MED13L: variants seen among roughly 807,000 people sequenced by gnomAD.
The protein encoded by MED13L is mediator complex subunit 13L.
Under a neutral mutation model 220.9 loss-of-function variants are expected in MED13L, and 7 were observed. The observed-to-expected ratio is 0.03, with a 90% confidence interval of 0.02 to 0.06. The LOEUF is 0.06. Among genes scored for constraint, MED13L ranks in the 10% least tolerant of loss-of-function variants. The probability of loss-of-function intolerance (pLI) is 1.00; values close to 1 mark genes in which losing one functional copy is unlikely to be tolerated. For missense variants in MED13L, 1,965 were observed against 2,760.5 expected (o/e 0.71, Z 6.46); for synonymous variants, 1,011 against 1,015.2 (o/e 1.00, Z 0.08).
At chr12:116,233,977 T>C (rs1292248874) in intron 2 of MED13L, among the ~76,000 whole-genome samples, 1 of 152,198 alleles carries the variant, frequency 6.6e-6, no homozygotes, top group Non-Finnish European at 1.5e-5. Context: ...GTGTGTACCC[T>C]GTAGGATTAT....
At chr12:116,141,159 T>C (rs1203981343) in intron 2 of MED13L, among the ~76,000 whole-genome samples, 1 of 152,198 alleles carries the variant, frequency 6.6e-6, no homozygotes, top group African/African-American at 2.4e-5. Flanking sequence ...AATTCAGTTA[T>C]CATATTAAAT....
chr12:115,982,033 G>T (rs745772530), intron 22 of MED13L: 17 of 207,430 alleles, frequency 8.2e-5, no homozygotes, highest in African/African-American at 3.8e-4. Context: ...GGAAAATTCC[G>T]TTATCAGACC....
intron 22 of MED13L, among the ~76,000 whole-genome samples, chr12:115,981,633 G>A (rs1004654409): frequency 6.6e-6 from 1 of 152,080 alleles, no homozygotes; most frequent in African/African-American, 2.4e-5. Flanking sequence ...AAAATGACCT[G>A]AAATGTGAAA....
At chr12:116,096,927 C>T (rs1030756207) in intron 3 of MED13L, among the ~76,000 whole-genome samples, 175 bp from the exon 4 acceptor site, 4 of 152,152 alleles carry the variant, frequency 2.6e-5, no homozygotes, top group Admixed American at 6.5e-5. Flanking sequence ...AACTCTGGGA[C>T]ACTGGGCACA....
chr12:116,126,627 T>C (rs932543987), intron 2 of MED13L, among the ~76,000 whole-genome samples: 1 of 152,092 alleles, frequency 6.6e-6, no homozygotes, highest in African/African-American at 2.4e-5. Flanking sequence ...GAGGATAGAA[T>C]TTGCAAATTA....
At chr12:116,245,080 G>C (rs1396468882) in intron 1 of MED13L, among the ~76,000 whole-genome samples, 1 of 152,096 alleles carries the variant, frequency 6.6e-6, no homozygotes, top group African/African-American at 2.4e-5. Context: ...GTATTCTCTG[G>C]AGACAGTAAA....
At chr12:116,121,164 ATATT>A (rs1278725838) in intron 2 of MED13L, among the ~76,000 whole-genome samples, 1 of 152,190 alleles carries the variant, frequency 6.6e-6, no homozygotes, top group Non-Finnish European at 1.5e-5. Context: ...TCATAATCAA[ATATT>A]TAAACTGCAA....
intron 2 of MED13L, among the ~76,000 whole-genome samples, chr12:116,204,703 C>A (rs756698972): frequency 6.6e-6 from 1 of 152,056 alleles, no homozygotes; most frequent in Non-Finnish European, 1.5e-5. Flanking sequence ...TTGTTCTGAC[C>A]CACTGTTTTC....
chr12:116,071,224 T>C (rs1165588874), intron 4 of MED13L, among the ~76,000 whole-genome samples: 20 of 152,188 alleles, frequency 1.3e-4, no homozygotes, highest in Admixed American at 1.3e-3. Flanking sequence ...TACATTTCAA[T>C]GTAGTTTGAG....
At chr12:116,007,212 C>T (rs1226574725) in intron 11 of MED13L, 199 bp downstream of exon 11, 1 of 628,118 alleles carries the variant, frequency 1.6e-6, no homozygotes, top group African/African-American at 1.8e-5. Context: ...GTTCGGCTGA[C>T]TTTTAAACAA....
In MED13L at chr12:116,109,041, A is replaced by G. The variant is rs1476239417; in HGVS notation, c.395+2387T>C. Reference sequence around the variant, plus strand: ...ATTCTTTAGAACTATCCCAAACTTTATATGTCATAATTAATTTCCTTTTTT... The same window carrying G: ...ATTCTTTAGAACTATCCCAAACTTTGTATGTCATAATTAATTTCCTTTTTT... On this transcript the variant is annotated intron_variant, in intron 3 of 30. Transcript: ENST00000281928. Among the ~76,000 whole-genome samples, 4 of 130,684 alleles carry G rather than the reference A, an allele frequency of 3.1e-5. No individual in the cohort carries two copies. In the East Asian group the frequency reaches 6.4e-4, roughly 21 times the overall value. The allele number at this position is 130,684 out of a possible 152,430, so 85.7% of individuals were successfully genotyped here.
chr12:116,060,458 G>T (rs1201527288), intron 4 of MED13L, among the ~76,000 whole-genome samples: 1 of 150,820 alleles, frequency 6.6e-6, no homozygotes, highest in Non-Finnish European at 1.5e-5. Context: ...GGTGCCTGTA[G>T]TCCCAGCTAC....
In MED13L at chr12:116,019,998, C is replaced by T. The variant is rs1879961691; in HGVS notation, c.626-26G>A. 5 of 1,591,750 alleles carry T rather than the reference C, an allele frequency of 3.1e-6. No homozygotes were observed. In the African/African-American group the frequency reaches 5.4e-5, roughly 17 times the overall value. ...CTATGGAGGGGAGGAGAAATACATGCTAAACATTAGAGAAATAATTCCTAC... is the reference window on the plus strand; with the variant it reads ...CTATGGAGGGGAGGAGAAATACATGTTAAACATTAGAGAAATAATTCCTAC... On this transcript the variant is annotated intron_variant, in intron 5 of 30. Coordinates refer to ENST00000281928, the MANE Select transcript of MED13L (RefSeq NM_015335.5).
chr12:116,258,763 G>GA (rs1383135834), intron 1 of MED13L, among the ~76,000 whole-genome samples: 1 of 141,072 alleles, frequency 7.1e-6, no homozygotes, highest in Non-Finnish European at 1.5e-5. Context: ...GCGACAGAGT[G>GA]AGACTCCATC....
At chr12:116,226,570 T>C (rs1327516744) in intron 2 of MED13L, among the ~76,000 whole-genome samples, 2 of 152,198 alleles carry the variant, frequency 1.3e-5, no homozygotes, top group African/African-American at 4.8e-5. Flanking sequence ...TGATGTTCTA[T>C]ACTTAAAACA....
intron 27 of MED13L, 148 bp from the exon 28 acceptor site, chr12:115,969,245 C>T (rs1207575026): frequency 1.2e-6 from 1 of 858,770 alleles, no homozygotes; most frequent in Non-Finnish European, 1.8e-6. Flanking sequence ...TCAGTTAGGA[C>T]CTACTGAGTG....
chr12:116,276,377 A>G (rs974723366), intron 1 of MED13L: 28 of 1,204,114 alleles, frequency 2.3e-5, no homozygotes, highest in East Asian at 2.3e-4. Flanking sequence ...GGATAGAGAA[A>G]AACAGTTTTT....
chr12:116,105,714 C>T (rs1593049954), intron 3 of MED13L, among the ~76,000 whole-genome samples: 1 of 152,108 alleles, frequency 6.6e-6, no homozygotes, highest in African/African-American at 2.4e-5. Context: ...GGGAAGATAA[C>T]TCAATTAATA....
Position 116,149,549 on chromosome 12 carries a change from T to A in MED13L, c.311-38037A>T, listed in dbSNP as rs76529158. On this transcript the variant is annotated intron_variant, in intron 2 of 30. Transcript: ENST00000281928. The stretch of plus-strand genomic sequence containing the variant: ...GGCTATGCCCAAAAAGTCAAATGAT[T>A]ACTAACAAGCAAGTTACTTAAAAAA... 2.2e-3 allele frequency among the ~76,000 whole-genome samples: 341 copies of A among 152,366 alleles called. 1 individual carries two copies. The highest frequency in any genetic ancestry group is 7.9e-3 in the African/African-American group (327 of 41,588).
Sources: gnomAD v4.1 joint callset for allele counts (sites outside exome capture counted in the v4.1 genomes callset) on GRCh38, gnomAD v4.1.1 for gene constraint, MANE v1.5 for transcripts, NCBI Gene and HGNC (gene_info 2026-07-23, HGNC 2026-07-21) for gene names.